Variants in ART1 observed in about 807,000 individuals in gnomAD.
The protein encoded by ART1 is ADP-ribosyltransferase 1, also known as GPI-linked NAD(P)(+)--arginine ADP-ribosyltransferase 1.
A neutral mutation model predicts 27.0 loss-of-function variants in ART1; 29 were observed. The ratio of observed to expected loss-of-function variants is 1.08; its 90% CI spans 0.80 to 1.47. ART1 has a LOEUF of 1.47. ART1 is among the 40% of genes most tolerant of loss of function. ART1 has a pLI of 0.00. For missense variants in ART1, 480 were observed against 423.0 expected (o/e 1.13, Z -1.18); for synonymous variants, 201 against 172.2 (o/e 1.17, Z -1.31).
chr11:3,656,386 ATTTT>A (rs140826062), intron 1 of ART1, among the ~76,000 whole-genome samples: 56,709 of 141,386 alleles, frequency 0.4, 12,289 homozygotes, highest in Admixed American at 0.6. Context: ...TTATTTATTT[ATTTT>A]TTAAATTTTT....
intron 1 of ART1, among the ~76,000 whole-genome samples, chr11:3,645,696 C>T (rs2077465743): frequency 6.6e-6 from 1 of 152,172 alleles, no homozygotes; most frequent in Non-Finnish European, 1.5e-5. Context: ...TCCCTGCCCT[C>T]AAGGAACTCA....
chr11:3,649,792 G>C (rs576098759), intron 1 of ART1, among the ~76,000 whole-genome samples: 1 of 152,032 alleles, frequency 6.6e-6, no homozygotes, highest in Non-Finnish European at 1.5e-5. Flanking sequence ...TTCTTTATCC[G>C]ACCTCTCCCG....
rs1483747709 is a variant in ART1 at position 3,660,283 on chromosome 11, G to T, written c.764G>T (p.Ser255Ile). Residue 255 changes from serine (S) to isoleucine (I), a missense_variant, in exon 3 of 5, where the codon AGC (serine) becomes ATC (isoleucine). Ser to Ile is a moderately radical substitution (Grantham distance 142). Transcript: ENST00000250693. ...PFETFQVINA[S>I]RLAQGPARIY... ...GAGACCTTCCAAGTGATCAATGCCA[G>T]CAGACTGGCCCAGGGCCCCGCCCGC... The T allele has an allele frequency of 1.9e-6, 3 of 1,611,916 alleles. No individual in the cohort carries two copies. Among genetic ancestry groups the T allele is most frequent in the East Asian group, 4.5e-5 (2 of 44,882 alleles).
At chr11:3,647,616 A>G (rs1199043351) in intron 1 of ART1, among the ~76,000 whole-genome samples, 2 of 152,158 alleles carry the variant, frequency 1.3e-5, no homozygotes, top group East Asian at 3.8e-4. Flanking sequence ...CCTGGGCGAC[A>G]GAGTGAGACC....
rs114682140 is a variant in ART1, at chr11:3,653,749, A to T, written c.-52-5413A>T. On this transcript the variant is annotated intron_variant, in intron 1 of 4. Coordinates refer to ENST00000250693, the MANE Select transcript of ART1 (RefSeq NM_004314.3). ...GATTTTTCCCTCTCTCACGTCCCCT[A>T]TAGCCCATCAGACATCAAGTCTTGT... Among the ~76,000 whole-genome samples the T allele has an allele frequency of 5.1e-3, 779 of 152,052 alleles. 8 individuals carry two copies. The highest frequency in any genetic ancestry group is 0.016 in the African/African-American group (673 of 41,394).
chr11:3,659,511 A>G (rs2133962326), intron 2 of ART1, 72 bp from the exon 3 acceptor site: 1 of 1,495,324 alleles, frequency 6.7e-7, no homozygotes, highest in East Asian at 2.3e-5. Flanking sequence ...AGTGGAGGGG[A>G]GAGCTGGATG....
At chr11:3,662,547 C>T (rs1251087449) in intron 4 of ART1, among the ~76,000 whole-genome samples, 2 of 152,168 alleles carry the variant, frequency 1.3e-5, no homozygotes, top group Non-Finnish European at 2.9e-5. Context: ...TACCAAAGCA[C>T]AAAGGGGCAA....
At chr11:3,661,582 C>T (rs1279161141) in intron 4 of ART1, among the ~76,000 whole-genome samples, 169 bp downstream of exon 4, 2 of 150,346 alleles carry the variant, frequency 1.3e-5, no homozygotes, top group African/African-American at 2.4e-5. Flanking sequence ...GCAACCTCCA[C>T]TTCCCGGGTT....
intron 1 of ART1, among the ~76,000 whole-genome samples, chr11:3,651,366 A>G (rs1350299402): frequency 1.3e-5 from 2 of 150,710 alleles, no homozygotes; most frequent in South Asian, 2.1e-4. Flanking sequence ...TCTGTTACCT[A>G]TCTTGGCATA....
intron 1 of ART1, among the ~76,000 whole-genome samples, chr11:3,649,133 CTT>C (rs2077495778): frequency 1.3e-5 from 2 of 152,208 alleles, no homozygotes; most frequent in South Asian, 4.2e-4. Context: ...TCTACTCTCT[CTT>C]TTCTCTGGGC....
rs765717363 is a variant in ART1, at chr11:3,661,414, G to T, written c.886+1G>T. 6 of 1,611,890 alleles carry T rather than the reference G, an allele frequency of 3.7e-6. No individual in the cohort carries two copies. Among genetic ancestry groups the T allele is most frequent in the Non-Finnish European group, 5.1e-6 (6 of 1,179,470 alleles). ...GGGCCTTGCCATCTGGATAATTCAG[G>T]TAAGGGCTGCAGGCACCTGTGGGAC... On this transcript the variant is annotated splice_donor_variant, in intron 4 of 4. Coordinates refer to ENST00000250693, the MANE Select transcript of ART1 (RefSeq NM_004314.3). LOFTEE classifies it high-confidence loss of function.
intron 1 of ART1, among the ~76,000 whole-genome samples, chr11:3,656,787 T>C (rs1176308854): frequency 2.0e-5 from 3 of 152,146 alleles, no homozygotes; most frequent in Non-Finnish European, 2.9e-5. Context: ...CCACCATGGC[T>C]GGCTGTTGTT....
intron 1 of ART1, among the ~76,000 whole-genome samples, chr11:3,648,234 G>T (rs578004855): frequency 2.6e-5 from 4 of 152,102 alleles, no homozygotes; most frequent in Non-Finnish European, 4.4e-5. Context: ...CAGTCCACCT[G>T]CACCCAGGTG....
chr11:3,655,866 C>G (rs16925378), intron 1 of ART1, among the ~76,000 whole-genome samples: 12,690 of 150,168 alleles, frequency 0.085, 1,193 homozygotes, highest in African/African-American at 0.23. Context: ...AAGTGAGGAA[C>G]TAGTAACAGC....
chr11:3,657,394 G>T (rs919335155), intron 1 of ART1, among the ~76,000 whole-genome samples: 1 of 152,148 alleles, frequency 6.6e-6, no homozygotes, highest in African/African-American at 2.4e-5. Context: ...GGGCAACACG[G>T]CAAAACCCCA....
chr11:3,664,073 C>T lies in ART1; in HGVS notation c.887-19C>T. 1.2e-6 allele frequency: 2 copies of T among 1,612,754 alleles called. No homozygotes were observed. Among genetic ancestry groups the T allele is most frequent in the African/African-American group, 1.3e-5 (1 of 75,020 alleles). On this transcript the variant is annotated intron_variant, in intron 4 of 4. Coordinates refer to ENST00000250693, the MANE Select transcript of ART1 (RefSeq NM_004314.3). ...TTTCTCTCTCTCTCCCCCAACCTCT[C>T]TGCCTGTTTTCCCTGCAGCCATGGG... is the stretch of plus-strand genomic sequence containing the variant.
intron 1 of ART1, among the ~76,000 whole-genome samples, chr11:3,652,702 T>C (rs2077534454): frequency 6.6e-6 from 1 of 151,808 alleles, no homozygotes; most frequent in Non-Finnish European, 1.5e-5. Context: ...CATACTCCTA[T>C]TCACCATTCT....
At chr11:3,662,516 C>A (rs2133966683) in intron 4 of ART1, among the ~76,000 whole-genome samples, 1 of 152,308 alleles carries the variant, frequency 6.6e-6, no homozygotes, top group East Asian at 1.9e-4. Context: ...ACTGTCATCA[C>A]CTCTGTTCTG....
rs113157182 is a variant in ART1, at chr11:3,653,245, G to A, written c.-52-5917G>A. On this transcript the variant is annotated intron_variant, in intron 1 of 4. Transcript: ENST00000250693. ...GACAGGAATGTCAGGCCTCTGAGCC[G>A]AAGCTAAGCCATCATGTCCCCTGTG... Among the ~76,000 whole-genome samples, 7 of 143,212 alleles carry A rather than the reference G, an allele frequency of 4.9e-5. No homozygotes were observed. In the South Asian group the frequency reaches 7.0e-4, roughly 14 times the overall value. The allele number at this position is 143,212 out of a possible 152,430, so 94.0% of individuals were successfully genotyped here. A position where few individuals can be genotyped will look rare whatever the true frequency, so the allele number is the denominator to read the frequency against.
Sources: allele counts gnomAD v4.1 joint callset (sites outside exome capture counted in the v4.1 genomes callset), GRCh38; gene constraint gnomAD v4.1.1; transcripts MANE v1.5; gene names NCBI Gene and HGNC (gene_info 2026-07-23, HGNC 2026-07-21).